GRIA3: variants seen among roughly 807,000 people sequenced by gnomAD.
The protein encoded by GRIA3 is glutamate ionotropic receptor AMPA type subunit 3, also known as glutamate receptor 3.
A neutral mutation model predicts 63.0 loss-of-function variants in GRIA3; 3 were observed. The ratio of observed to expected loss-of-function variants is 0.05; its 90% CI spans 0.02 to 0.12. The LOEUF is 0.12. Among genes scored for constraint, GRIA3 ranks in the 10% least tolerant of loss-of-function variants. GRIA3 has a pLI of 1.00. For synonymous variants in GRIA3, 274 were observed against 257.9 expected, an observed-to-expected ratio of 1.06 and a Z score of -0.60; for missense variants, 347 against 700.9, an observed-to-expected ratio of 0.50 and a Z score of 5.70.
At position 123,428,022 on chromosome X, in the gene GRIA3, T is replaced by G; in HGVS notation, c.1959T>G (p.Ala653=). 4 of 1,197,931 alleles carry G rather than the reference T, an allele frequency of 3.3e-6. No homozygotes were observed. The highest frequency in any genetic ancestry group is 4.5e-6 in the Non-Finnish European group (4 of 882,960). ...IIISSYTANL[A]AFLTVERMVS... Reference sequence around the variant, plus strand: ...TTTCTTCCTATACTGCCAATCTCGCTGCTTTCCTGACTGTGGAGAGGATGG... The same window carrying G: ...TTTCTTCCTATACTGCCAATCTCGCGGCTTTCCTGACTGTGGAGAGGATGG... The change falls in exon 12 of 16, where the codon GCT becomes GCG. Residue 653 remains alanine (A), a synonymous_variant. Transcript: ENST00000620443.
At chrX:123,193,235 G>A (rs1253679417) in intron 2 of GRIA3, among the ~76,000 whole-genome samples, 4 of 109,399 alleles carry the variant, frequency 3.7e-5, no homozygotes, top group African/African-American at 1.3e-4. Flanking sequence ...CAGCGAGGAA[G>A]TAGCTCATGA....
At chrX:123,443,933 G>A (rs2045689348) in intron 12 of GRIA3, among the ~76,000 whole-genome samples, 1 of 111,404 alleles carries the variant, frequency 9.0e-6, no homozygotes, top group Admixed American at 9.5e-5. Context: ...GTCTCAGGTG[G>A]TGAGGACTTC....
At chrX:123,286,407 A>G (rs1047849484) in intron 3 of GRIA3, among the ~76,000 whole-genome samples, 1 of 111,830 alleles carries the variant, frequency 8.9e-6, no homozygotes, top group Non-Finnish European at 1.9e-5. Flanking sequence ...AAGACAAGAA[A>G]TAACTAAGAT....
At chrX:123,311,683 T>C (rs951989473) in intron 3 of GRIA3, among the ~76,000 whole-genome samples, 1 of 112,115 alleles carries the variant, frequency 8.9e-6, no homozygotes, top group Non-Finnish European at 1.9e-5. Flanking sequence ...ACAGGAAACA[T>C]ACCATTAGCC....
chrX:123,294,526 T>C (rs1467628700), intron 3 of GRIA3, among the ~76,000 whole-genome samples: 1 of 111,391 alleles, frequency 9.0e-6, no homozygotes, highest in Non-Finnish European at 1.9e-5. Context: ...TTATTTTTGA[T>C]GGTATGTAGC....
intron 4 of GRIA3, among the ~76,000 whole-genome samples, chrX:123,329,648 G>T (rs776836217): frequency 3.7e-4 from 41 of 111,596 alleles, no homozygotes; most frequent in Non-Finnish European, 7.2e-4. Flanking sequence ...AAACCATGAA[G>T]GGTTGGTAGG....
At chrX:123,303,762 C>T (rs1271844534) in intron 3 of GRIA3, among the ~76,000 whole-genome samples, 23 of 110,968 alleles carry the variant, frequency 2.1e-4, no homozygotes, top group Admixed American at 2.0e-3. Flanking sequence ...CAAAGCCCCA[C>T]TTTTAGTGCT....
At chrX:123,262,829 C>CACA (rs1454381884) in intron 3 of GRIA3, among the ~76,000 whole-genome samples, 1 of 111,113 alleles carries the variant, frequency 9.0e-6, no homozygotes, top group African/African-American at 3.3e-5. Flanking sequence ...CTGAGGCCAC[C>CACA]ACAGAACTGC....
At chrX:123,385,168 T>C (rs947473768) in intron 5 of GRIA3, among the ~76,000 whole-genome samples, 1 of 111,865 alleles carries the variant, frequency 8.9e-6, no homozygotes, top group Non-Finnish European at 1.9e-5. Context: ...CTTGAGTTGA[T>C]TTTTGTATAT....
chrX:123,227,130 C>A (rs1234699077), intron 2 of GRIA3, among the ~76,000 whole-genome samples: 1 of 111,635 alleles, frequency 9.0e-6, no homozygotes, highest in African/African-American at 3.3e-5. Context: ...CTTATCTAGG[C>A]TAAATGATTT....
intron 14 of GRIA3, among the ~76,000 whole-genome samples, chrX:123,480,909 G>A (rs1011841088): frequency 1.8e-5 from 2 of 110,587 alleles, no homozygotes; most frequent in Admixed American, 9.6e-5. Context: ...GCCCCCCTTC[G>A]CTCCCCTAAG....
chrX:123,401,479 G>A (rs1342690067), intron 7 of GRIA3, among the ~76,000 whole-genome samples: 1 of 111,838 alleles, frequency 8.9e-6, no homozygotes, highest in African/African-American at 3.2e-5. Context: ...TTATGTATCA[G>A]TCTCATCCCA....
chrX:123,289,229 T>C (rs924860138), intron 3 of GRIA3, among the ~76,000 whole-genome samples: 3 of 109,826 alleles, frequency 2.7e-5, no homozygotes, highest in Non-Finnish European at 1.9e-5. Flanking sequence ...TGAGAACACA[T>C]GGACACAGAA....
intron 3 of GRIA3, among the ~76,000 whole-genome samples, chrX:123,295,644 C>T (rs1366417522): frequency 1.8e-5 from 2 of 111,248 alleles, no homozygotes; most frequent in Admixed American, 9.6e-5. Flanking sequence ...ATGGCCCATG[C>T]TGGAGCTAGC....
chrX:123,253,557 C>T lies in GRIA3; in HGVS notation c.508+15C>T, dbSNP rs755589194. The T allele has an allele frequency of 1.2e-5, 14 of 1,191,062 alleles. No individual in the cohort carries two copies. The East Asian group carries it at 1.8e-4, about 15-fold the overall frequency. On this transcript the variant is annotated intron_variant, in intron 3 of 15. Coordinates refer to ENST00000620443, the MANE Select transcript of GRIA3 (RefSeq NM_007325.5). The stretch of plus-strand genomic sequence containing the variant: ...CACAGAACGAGGTAAGAAGAGGCAC[C>T]TGCTCTGCTCTTTAGATATTCATGT...
intron 12 of GRIA3, among the ~76,000 whole-genome samples, chrX:123,443,324 C>T (rs753919907): frequency 1.2e-4 from 13 of 112,174 alleles, no homozygotes; most frequent in African/African-American, 4.2e-4. Context: ...AATGCCCTTC[C>T]TTTTCCACTG....
At chrX:123,426,126 T>C (rs2045588432) in intron 11 of GRIA3, among the ~76,000 whole-genome samples, 1 of 111,578 alleles carries the variant, frequency 9.0e-6, no homozygotes, top group Admixed American at 9.5e-5. Context: ...GTGGGTTCTC[T>C]TCCTGTGAGT....
intron 4 of GRIA3, among the ~76,000 whole-genome samples, chrX:123,338,848 C>G (rs2044991424): frequency 8.9e-6 from 1 of 112,245 alleles, no homozygotes; most frequent in Admixed American, 9.4e-5. Flanking sequence ...CCATGCCTGG[C>G]CCCATCAAAC....
chrX:123,327,090 C>T (rs999085655), intron 4 of GRIA3, among the ~76,000 whole-genome samples: 6 of 110,636 alleles, frequency 5.4e-5, no homozygotes, highest in Admixed American at 2.9e-4. Flanking sequence ...CGCTTGAACC[C>T]GGGAGGCAGA....
Sources: allele counts gnomAD v4.1 joint callset (sites outside exome capture counted in the v4.1 genomes callset), GRCh38; gene constraint gnomAD v4.1.1; transcripts MANE v1.5; gene names NCBI Gene and HGNC (gene_info 2026-07-23, HGNC 2026-07-21).